Variants in SPIN1 observed in about 807,000 individuals in gnomAD.
The protein encoded by SPIN1 is spindlin-1.
SPIN1 carries 3 observed loss-of-function variants against 26.0 expected under a neutral mutation model. The observed-to-expected ratio is 0.12, with a 90% CI of 0.05 to 0.30. The LOEUF (loss-of-function observed/expected upper bound fraction) is 0.30, where lower values mean the gene tolerates loss of function less well. SPIN1 is among the 10% of genes least tolerant of loss of function. SPIN1 has a pLI of 1.00. For synonymous variants in SPIN1, 101 were observed against 116.5 expected, an observed-to-expected ratio of 0.87 and a Z score of 0.86; for missense variants, 126 against 333.4, an observed-to-expected ratio of 0.38 and a Z score of 4.84.
chr9:88,445,995 T>G (rs1260285333), intron 2 of SPIN1, among the ~76,000 whole-genome samples: 4 of 152,216 alleles, frequency 2.6e-5, no homozygotes, highest in African/African-American at 9.6e-5. Flanking sequence ...CTTTTTTTAA[T>G]TTTTCTATTA....
chr9:88,409,606 C>T (rs1328046289), intron 1 of SPIN1, among the ~76,000 whole-genome samples: 5 of 151,610 alleles, frequency 3.3e-5, no homozygotes, highest in South Asian at 4.2e-4. Flanking sequence ...GAGGCCGAGG[C>T]GGGCGGATCA....
chr9:88,451,555 TTTTGTTTG>T (rs904140153), intron 3 of SPIN1, among the ~76,000 whole-genome samples: 5 of 152,134 alleles, frequency 3.3e-5, no homozygotes, highest in Non-Finnish European at 5.9e-5. Flanking sequence ...ACGTCTGTTT[TTTTGTTTG>T]TTTGTTTGTT....
chr9:88,393,962 C>T (rs1296246082), intron 1 of SPIN1, among the ~76,000 whole-genome samples: 4 of 152,142 alleles, frequency 2.6e-5, no homozygotes, highest in Non-Finnish European at 5.9e-5. Context: ...ATTCTCCTGG[C>T]TCAGCCTCCC....
chr9:88,409,794 C>T (rs1206371478), intron 1 of SPIN1, among the ~76,000 whole-genome samples: 2 of 151,148 alleles, frequency 1.3e-5, no homozygotes, highest in African/African-American at 2.4e-5. Context: ...GCTGAGATCG[C>T]GCCACTGCAC....
chr9:88,444,387 C>T (rs942458088), intron 2 of SPIN1, among the ~76,000 whole-genome samples: 1 of 149,756 alleles, frequency 6.7e-6, no homozygotes, highest in Non-Finnish European at 1.5e-5. Flanking sequence ...ACTACAGGCA[C>T]CTGCCACTAT....
At chr9:88,397,669 T>C (rs1201253444) in intron 1 of SPIN1, among the ~76,000 whole-genome samples, 1 of 151,962 alleles carries the variant, frequency 6.6e-6, no homozygotes, top group Non-Finnish European at 1.5e-5. Context: ...TCTCCCAGGC[T>C]GGAGTGCAGT....
intron 2 of SPIN1, among the ~76,000 whole-genome samples, chr9:88,433,910 T>C (rs958402307): frequency 2.0e-5 from 3 of 152,126 alleles, no homozygotes; most frequent in Non-Finnish European, 2.9e-5. Context: ...TGTTTTTTTT[T>C]TTCTCATCAA....
At chr9:88,444,916 G>T (rs1345436264) in intron 2 of SPIN1, among the ~76,000 whole-genome samples, 2 of 151,738 alleles carry the variant, frequency 1.3e-5, no homozygotes, top group Admixed American at 6.6e-5. Flanking sequence ...GGATGGTCTC[G>T]ATCTCCTGAC....
intron 4 of SPIN1, among the ~76,000 whole-genome samples, chr9:88,464,131 T>G (rs1828617593): frequency 6.6e-6 from 1 of 152,222 alleles, no homozygotes; most frequent in Non-Finnish European, 1.5e-5. Context: ...AATAGTAATT[T>G]TGTAAACATT....
At chr9:88,435,229 T>C (rs891386232) in intron 2 of SPIN1, among the ~76,000 whole-genome samples, 4 of 151,944 alleles carry the variant, frequency 2.6e-5, no homozygotes, top group Non-Finnish European at 4.4e-5. Context: ...CTTTTTTCTT[T>C]TTTGGAGATG....
chr9:88,400,240 T>C (rs1271793009), intron 1 of SPIN1, among the ~76,000 whole-genome samples: 1 of 152,170 alleles, frequency 6.6e-6, no homozygotes, highest in East Asian at 1.9e-4. Flanking sequence ...GAGAAAGGTA[T>C]GCTGCACTCT....
At chr9:88,449,999 C>T (rs906803922) in intron 3 of SPIN1, among the ~76,000 whole-genome samples, 2 of 152,224 alleles carry the variant, frequency 1.3e-5, no homozygotes, top group African/African-American at 2.4e-5. Flanking sequence ...AAAATGTGTA[C>T]GTGATACATA....
chr9:88,403,417 G>A (rs953603158), intron 1 of SPIN1, among the ~76,000 whole-genome samples: 2 of 152,062 alleles, frequency 1.3e-5, no homozygotes, highest in East Asian at 1.9e-4. Context: ...TTGGTATTTA[G>A]AGCTATGTAT....
At chr9:88,427,441 G>T (rs1429679539) in intron 2 of SPIN1, among the ~76,000 whole-genome samples, 2 of 150,686 alleles carry the variant, frequency 1.3e-5, no homozygotes, top group Non-Finnish European at 3.0e-5. Flanking sequence ...ATATTTGTCA[G>T]TCAGATTAAT....
At chr9:88,455,906 C>A (rs1828461821) in intron 3 of SPIN1, among the ~76,000 whole-genome samples, 1 of 152,098 alleles carries the variant, frequency 6.6e-6, no homozygotes, top group African/African-American at 2.4e-5. Flanking sequence ...TTGCTTGAGC[C>A]CAGGAGTTTG....
At chr9:88,402,075 C>T (rs1827199067) in intron 1 of SPIN1, among the ~76,000 whole-genome samples, 1 of 152,106 alleles carries the variant, frequency 6.6e-6, no homozygotes, top group African/African-American at 2.4e-5. Context: ...GCTGGAACCT[C>T]TTGCCTCCTG....
At chr9:88,410,624 C>T in intron 1 of SPIN1, 1 of 1,022,794 alleles carries the variant, frequency 9.8e-7, no homozygotes, top group South Asian at 1.3e-5. Flanking sequence ...TGGCCTCCAC[C>T]ACCATAGGGG....
chr9:88,438,315 C>T (rs1828049935), intron 2 of SPIN1, among the ~76,000 whole-genome samples: 1 of 152,092 alleles, frequency 6.6e-6, no homozygotes, highest in African/African-American at 2.4e-5. Flanking sequence ...GACCCATGTG[C>T]TTAGAAGTAT....
chr9:88,422,746 G>C (rs556688035), intron 1 of SPIN1, among the ~76,000 whole-genome samples: 2 of 149,296 alleles, frequency 1.3e-5, no homozygotes, highest in Admixed American at 6.7e-5. Context: ...TCTTGCTCTT[G>C]TCGCCCAGGC....
Sources: allele counts gnomAD v4.1 joint callset (sites outside exome capture counted in the v4.1 genomes callset), GRCh38; gene constraint gnomAD v4.1.1; transcripts MANE v1.5; gene names NCBI Gene and HGNC (gene_info 2026-07-23, HGNC 2026-07-21).